The following USP39 variants were observed in gnomAD, a reference collection of about 807,000 sequenced individuals.
USP39 encodes ubiquitin specific peptidase 39.
USP39 carries 38 observed loss-of-function variants against 66.4 expected under a neutral mutation model. The observed-to-expected ratio is 0.57, with a 90% CI of 0.44 to 0.75. The LOEUF is 0.75. Among genes scored for constraint, USP39 ranks in the 30% least tolerant of loss-of-function variants. The pLI is 0.00. For synonymous variants in USP39, 303 were observed against 274.6 expected (o/e 1.10, Z -1.02); for missense variants, 608 against 714.4 (o/e 0.85, Z 1.70).
At chr2:85,616,151 G>A (rs1002824917), upstream of USP39, 6 of 1,397,480 alleles carry the variant, frequency 4.3e-6, no homozygotes, top group Non-Finnish European at 5.6e-6. Context: ...CCGCGCGCTC[G>A]AGCGTGCTTG....
At chr2:85,627,882 C>G (rs2104283215) in intron 5 of USP39, among the ~76,000 whole-genome samples, 1 of 152,214 alleles carries the variant, frequency 6.6e-6, no homozygotes, top group East Asian at 1.9e-4. Flanking sequence ...ATTGGTTCGT[C>G]TTACTGAGCT....
intron 10 of USP39, among the ~76,000 whole-genome samples, chr2:85,643,166 G>T (rs1026768156): frequency 4.6e-5 from 7 of 151,884 alleles, no homozygotes; most frequent in African/African-American, 1.7e-4. Context: ...CGCATGGACA[G>T]TTTTGGTTCA....
chr2:85,625,361 A>G (rs1674772061), intron 4 of USP39, among the ~76,000 whole-genome samples, 178 bp from the exon 5 acceptor site: 1 of 152,224 alleles, frequency 6.6e-6, no homozygotes, highest in Non-Finnish European at 1.5e-5. Context: ...TAGATTAGCC[A>G]TGGGAGAGGA....
intron 10 of USP39, among the ~76,000 whole-genome samples, chr2:85,644,468 G>A (rs1004516335): frequency 3.3e-5 from 5 of 152,142 alleles, no homozygotes; most frequent in African/African-American, 1.2e-4. Flanking sequence ...GGGTCTCACT[G>A]TCGCCCAGGC....
chr2:85,644,113 T>G (rs531743572), intron 10 of USP39, among the ~76,000 whole-genome samples: 3 of 152,372 alleles, frequency 2.0e-5, no homozygotes, highest in African/African-American at 4.8e-5. Context: ...GTTTACATTT[T>G]AAACTCTGTA....
upstream of USP39, among the ~76,000 whole-genome samples, chr2:85,609,224 T>C (rs1021660054): frequency 6.6e-6 from 1 of 152,202 alleles, no homozygotes; most frequent in Non-Finnish European, 1.5e-5. Flanking sequence ...GATTCTCCAC[T>C]GGGGGCCAAG....
At chr2:85,620,235 C>T (rs1268225591) in intron 2 of USP39, among the ~76,000 whole-genome samples, 1 of 151,820 alleles carries the variant, frequency 6.6e-6, no homozygotes. Context: ...AATCCCAGCA[C>T]TTTGGGAGGC....
chr2:85,609,625 T>C (rs769812404), upstream of USP39: 3 of 1,611,486 alleles, frequency 1.9e-6, no homozygotes, highest in Non-Finnish European at 2.5e-6. Context: ...AGAGGGGGGG[T>C]GCTGCTGAAG....
Position 85,639,349 on chromosome 2 carries a change from A to G in USP39, c.1242A>G (p.Pro414=), listed in dbSNP as rs767434629. The G allele has an allele frequency of 1.9e-6, 3 of 1,613,138 alleles. No individual in the cohort carries two copies. The Admixed American group carries it at 5.0e-5, about 27-fold the overall frequency. ...AGCAGCTCATCATTCCCCAAGTGCCACTCTTCAACATCCTGGCTAAGTTCA... is the reference window on the plus strand; with the variant it reads ...AGCAGCTCATCATTCCCCAAGTGCCGCTCTTCAACATCCTGGCTAAGTTCA... ...EKEQLIIPQV[P]LFNILAKFNG... Residue 414 remains proline, a synonymous_variant, in exon 9 of 13, where the codon CCA becomes CCG. Transcript: ENST00000323701.
chr2:85,611,578 G>C (rs765685907), upstream of USP39: 1 of 1,551,368 alleles, frequency 6.4e-7, no homozygotes, highest in East Asian at 2.4e-5. Flanking sequence ...CTGAACCTTA[G>C]GAGTAAGAAG....
chr2:85,640,583 C>G (rs559222433), intron 9 of USP39, among the ~76,000 whole-genome samples: 10 of 150,992 alleles, frequency 6.6e-5, no homozygotes, highest in African/African-American at 2.2e-4. Flanking sequence ...GCCACCGTGC[C>G]TGGTTAGTTT....
intron 9 of USP39, among the ~76,000 whole-genome samples, chr2:85,640,123 C>T (rs1192914936): frequency 3.3e-5 from 5 of 152,018 alleles, no homozygotes; most frequent in South Asian, 2.1e-4. Context: ...CCTCCCACCT[C>T]GACCTCCCAA....
chr2:85,616,550 C>T (rs1414380069), intron 1 of USP39, 87 bp downstream of exon 1: 4 of 576,732 alleles, frequency 6.9e-6, no homozygotes, highest in East Asian at 1.6e-4. Context: ...TAGGTCACTG[C>T]GCCGGAGTTG....
chr2:85,609,571 G>A (rs986673834), upstream of USP39: 3 of 1,614,160 alleles, frequency 1.9e-6, no homozygotes, highest in South Asian at 2.2e-5. Flanking sequence ...TGGGTTGCGT[G>A]GGTGGGCAGA....
At chr2:85,639,491 G>A in intron 9 of USP39, 100 bp downstream of exon 9, 1 of 1,296,400 alleles carries the variant, frequency 7.7e-7, no homozygotes, top group Non-Finnish European at 1.0e-6. Flanking sequence ...TTTTGCTCTT[G>A]TCGCCCAGGC....
intron 6 of USP39, among the ~76,000 whole-genome samples, chr2:85,631,946 A>C (rs1341240890): frequency 3.4e-5 from 1 of 29,604 alleles, no homozygotes; most frequent in Non-Finnish European, 5.3e-5. Flanking sequence ...AGGGGGTTTC[A>C]CCATGTTGGC....
At chr2:85,608,850 A>T, upstream of USP39, 1 of 1,545,862 alleles carries the variant, frequency 6.5e-7, no homozygotes, top group Non-Finnish European at 8.8e-7. Context: ...TCTCAAGATC[A>T]GACAAACTGG....
chr2:85,640,516 T>C (rs1280654515), intron 9 of USP39, among the ~76,000 whole-genome samples: 1 of 151,956 alleles, frequency 6.6e-6, no homozygotes, highest in Non-Finnish European at 1.5e-5. Context: ...CTCGATCTCC[T>C]GGCCTCAAGT....
intron 12 of USP39, 91 bp downstream of exon 12, chr2:85,648,107 A>AAACT: frequency 7.0e-7 from 1 of 1,418,962 alleles, no homozygotes; most frequent in Non-Finnish European, 9.8e-7. Flanking sequence ...GGATAGAGTT[A>AAACT]GGACCTTGGT....
Sources: allele counts gnomAD v4.1 joint callset (sites outside exome capture counted in the v4.1 genomes callset), GRCh38; gene constraint gnomAD v4.1.1; transcripts MANE v1.5; gene names NCBI Gene and HGNC (gene_info 2026-07-23, HGNC 2026-07-21).